Variants in ADRA1B observed in about 807,000 individuals in gnomAD.
ADRA1B encodes the protein adrenoceptor alpha 1B.
ADRA1B carries 17 observed loss-of-function variants against 17.9 expected under a neutral mutation model. That is an observed-to-expected ratio of 0.95 (90% CI 0.65 to 1.42). The LOEUF (loss-of-function observed/expected upper bound fraction) is 1.42, where lower values mean the gene tolerates loss of function less well. Ranked by LOEUF, ADRA1B falls within the 40% of genes most tolerant of loss-of-function variation. The probability of loss-of-function intolerance (pLI) is 0.00; values close to 1 mark genes in which losing one functional copy is unlikely to be tolerated. For synonymous variants in ADRA1B, 366 were observed against 327.6 expected (o/e 1.12, Z -1.27); for missense variants, 681 against 722.1 (o/e 0.94, Z 0.65).
intron 1 of ADRA1B, among the ~76,000 whole-genome samples, chr5:159,957,179 G>A (rs1259752861): frequency 1.3e-5 from 2 of 151,988 alleles, no homozygotes; most frequent in African/African-American, 4.8e-5. Context: ...GCCTTATTTT[G>A]CTGCTTTTTA....
intron 1 of ADRA1B, among the ~76,000 whole-genome samples, chr5:159,918,254 A>G (rs931699662): frequency 1.3e-5 from 2 of 152,264 alleles, no homozygotes; most frequent in Non-Finnish European, 2.9e-5. Context: ...TAGTTACTGC[A>G]GACGCGGCAT....
At position 159,929,771 on chromosome 5, in the gene ADRA1B, C is replaced by T. The variant is rs146763203; in HGVS notation, c.949+11917C>T. Among the ~76,000 whole-genome samples the T allele has an allele frequency of 4.3e-3, 658 of 152,034 alleles. 2 individuals are homozygous for T. Among genetic ancestry groups the T allele is most frequent in the Non-Finnish European group, 6.4e-3 (435 of 67,948 alleles). ...AGAAAAAAAAAATGAAAAAATTATT[C>T]TGCTGTTACCTACCCCACATTCACA... On this transcript the variant is annotated intron_variant, in intron 1 of 1. Transcript: ENST00000306675.
chr5:159,907,955 TCACACACACACA>T (rs371637793), intron 1 of ADRA1B, among the ~76,000 whole-genome samples: 1 of 146,930 alleles, frequency 6.8e-6, no homozygotes, highest in Non-Finnish European at 1.5e-5. Flanking sequence ...TCTCTCTCTG[TCACACACACACA>T]CACACACACA....
At position 159,972,141 on chromosome 5, in the gene ADRA1B, G is replaced by T. The variant is rs1755884070; in HGVS notation, c.1212G>T (p.Lys404Asn). The T allele has an allele frequency of 7.4e-7, 1 of 1,350,588 alleles. No individual in the cohort carries two copies. The allele number at this position is 1,350,588 out of a possible 1,614,324, so 83.7% of individuals were successfully genotyped here. A position where few individuals can be genotyped will look rare whatever the true frequency, so the allele number is the denominator to read the frequency against. ...GGSLERSQSR[K>N]DSLDDSGSCL... ...CGCTGGAGCGCTCGCAGTCGCGCAA[G>T]GACTCGCTGGACGACAGCGGCAGCT... Residue 404 changes from lysine to asparagine, a missense_variant, in exon 2 of 2, where the codon AAG becomes AAT. By Grantham distance (94) the Lys-to-Asn change is moderately conservative. Transcript: ENST00000306675.
At chr5:159,927,305 T>C (rs1180573208) in intron 1 of ADRA1B, among the ~76,000 whole-genome samples, 1 of 151,658 alleles carries the variant, frequency 6.6e-6, no homozygotes, top group African/African-American at 2.4e-5. Context: ...CCAGTGACTT[T>C]ATAGCAGAGC....
At chr5:159,955,035 TG>T in intron 1 of ADRA1B, 2 of 603,362 alleles carry the variant, frequency 3.3e-6, no homozygotes, top group Non-Finnish European at 4.2e-6. Flanking sequence ...TGCTGGAACC[TG>T]GAGAATGGCA....
intron 1 of ADRA1B, chr5:159,950,472 G>A (rs1360290331): frequency 3.1e-6 from 4 of 1,306,836 alleles, no homozygotes; most frequent in Non-Finnish European, 4.4e-6. Flanking sequence ...TGCTCTCACT[G>A]GGGCTGGTGG....
At chr5:159,897,671 G>T (rs1754053873) in intron 1 of ADRA1B, among the ~76,000 whole-genome samples, 1 of 152,116 alleles carries the variant, frequency 6.6e-6, no homozygotes, top group Non-Finnish European at 1.5e-5. Flanking sequence ...TCCTGTATGG[G>T]TCTTTAAAAG....
At chr5:159,937,447 G>A (rs200346439) in intron 1 of ADRA1B, among the ~76,000 whole-genome samples, 1 of 145,918 alleles carries the variant, frequency 6.9e-6, no homozygotes, top group Non-Finnish European at 1.5e-5. Flanking sequence ...TTGTTTTTTT[G>A]TTTTTTTTTT....
intron 1 of ADRA1B, among the ~76,000 whole-genome samples, chr5:159,921,673 A>G (rs1348132648): frequency 3.3e-5 from 5 of 152,242 alleles, no homozygotes; most frequent in Non-Finnish European, 5.9e-5. Flanking sequence ...GGAAGCCATT[A>G]TTGAACTAAC....
rs745969860 is a variant in ADRA1B, at chr5:159,972,051, A to ACGCCGC, written c.1131_1136dup (p.Arg379_Arg380dup). ...AGTGCCGCGGCCGCGGCCGCCGCCG[A>ACGCCGC]CGCCGCCGCCGCCGTCGCCTGGGCG... On this transcript the variant is annotated inframe_insertion, in exon 2 of 2. Coordinates refer to ENST00000306675, the MANE Select transcript of ADRA1B (RefSeq NM_000679.4). The ACGCCGC allele has an allele frequency of 1.7e-5, 23 of 1,348,836 alleles. No individual in the cohort carries two copies. Among genetic ancestry groups the ACGCCGC allele is most frequent in the South Asian group, 1.3e-4 (6 of 47,402 alleles). The allele number at this position is 1,348,836 out of a possible 1,614,324, so 83.6% of individuals were successfully genotyped here.
At chr5:159,899,334 A>T (rs1360351159) in intron 1 of ADRA1B, among the ~76,000 whole-genome samples, 2 of 125,758 alleles carry the variant, frequency 1.6e-5, no homozygotes, top group African/African-American at 6.6e-5. Context: ...AAAGGCAACT[A>T]GTGGAAGAAC....
intron 1 of ADRA1B, chr5:159,947,680 T>C (rs1755314741): frequency 1.0e-6 from 1 of 985,336 alleles, no homozygotes; most frequent in African/African-American, 1.7e-5. Flanking sequence ...ATGACTTTGC[T>C]TCTTTCCAGA....
chr5:159,956,894 A>G (rs1007565267), intron 1 of ADRA1B, among the ~76,000 whole-genome samples: 9 of 151,898 alleles, frequency 5.9e-5, no homozygotes, highest in African/African-American at 2.2e-4. Context: ...TTTTCCTGAG[A>G]CAGGGTCTTG....
chr5:159,987,035 G>A, the ADRA1B span, among the ~76,000 whole-genome samples: 1 of 152,174 alleles, frequency 6.6e-6, no homozygotes, highest in Non-Finnish European at 1.5e-5. Context: ...AAGTAAGCTT[G>A]TCATCGACCC....
chr5:159,933,515 A>C (rs1215582830), intron 1 of ADRA1B, among the ~76,000 whole-genome samples: 1 of 152,234 alleles, frequency 6.6e-6, no homozygotes, highest in Admixed American at 6.5e-5. Context: ...TCAGGCATCT[A>C]CGTTGACTTC....
At position 159,916,775 on chromosome 5, in the gene ADRA1B, G is replaced by C. The variant is rs1754321508; in HGVS notation, c.-131G>C. The C allele has an allele frequency of 3.5e-6, 3 of 858,866 alleles. No homozygotes were observed. The highest frequency in any genetic ancestry group is 5.4e-6 in the Non-Finnish European group (3 of 558,930). 53.2% of individuals were successfully genotyped at this position (858,866 alleles called of 1,614,324 possible). A position where few individuals can be genotyped will look rare whatever the true frequency, so the allele number is the denominator to read the frequency against. The stretch of plus-strand genomic sequence containing the variant: ...CCGGGCTGGGCTGCCCGGGGGAGAT[G>C]ACTCCTCGCCAGGAGGGCGCCTCTG... On this transcript the variant is annotated 5_prime_UTR_variant, in exon 1 of 2. An upstream start codon of the reference 5' UTR is lost. Coordinates refer to ENST00000306675, the MANE Select transcript of ADRA1B (RefSeq NM_000679.4).
chr5:159,898,404 GGTGT>G (rs149588317), intron 1 of ADRA1B, among the ~76,000 whole-genome samples: 1 of 151,870 alleles, frequency 6.6e-6, no homozygotes, highest in African/African-American at 2.4e-5. Context: ...CCAGAAGTGG[GGTGT>G]GTGTGTGTGT....
At chr5:159,894,681 A>G (rs1754023138) in intron 1 of ADRA1B, among the ~76,000 whole-genome samples, 1 of 152,178 alleles carries the variant, frequency 6.6e-6, no homozygotes, top group Non-Finnish European at 1.5e-5. Context: ...GTGATACAAT[A>G]AAAGAGGGCA....
Sources: gnomAD v4.1 joint callset for allele counts (sites outside exome capture counted in the v4.1 genomes callset) on GRCh38, gnomAD v4.1.1 for gene constraint, MANE v1.5 for transcripts, NCBI Gene and HGNC (gene_info 2026-07-23, HGNC 2026-07-21) for gene names.